Variants in FMN1 observed in about 807,000 individuals in gnomAD.
FMN1 encodes formin-1.
A neutral mutation model predicts 132.4 loss-of-function variants in FMN1; 110 were observed. The observed-to-expected ratio is 0.83, with a 90% confidence interval of 0.71 to 0.97. The LOEUF (loss-of-function observed/expected upper bound fraction) is 0.97. Ranked by LOEUF, FMN1 falls within the 50% of genes least tolerant of loss-of-function variation. FMN1 has a pLI of 0.00. For missense variants in FMN1, 1,792 were observed against 1,705.3 expected, an observed-to-expected ratio of 1.05 and a Z score of -0.90; for synonymous variants, 722 against 651.7, an observed-to-expected ratio of 1.11 and a Z score of -1.64.
At chr15:33,077,403 T>C (rs111909964) in intron 5 of FMN1, among the ~76,000 whole-genome samples, 1,608 of 150,530 alleles carry the variant, frequency 0.011, 30 homozygotes, top group African/African-American at 0.037. Context: ...CTAGGGAACA[T>C]GTGCACAACA....
intron 17 of FMN1, among the ~76,000 whole-genome samples, chr15:32,821,913 T>G (rs906299167): frequency 3.3e-5 from 5 of 152,350 alleles, no homozygotes; most frequent in Middle Eastern, 3.4e-3. Context: ...CATTTTGATA[T>G]CACCTGCAAT....
chr15:33,058,959 C>T (rs996363580), intron 6 of FMN1, among the ~76,000 whole-genome samples: 1 of 152,174 alleles, frequency 6.6e-6, no homozygotes, highest in African/African-American at 2.4e-5. Context: ...TTACTATAAT[C>T]ACACTGCTGT....
chr15:32,806,950 C>T (rs772050480), intron 17 of FMN1, among the ~76,000 whole-genome samples: 2 of 152,186 alleles, frequency 1.3e-5, no homozygotes, highest in African/African-American at 2.4e-5. Flanking sequence ...ACAGACTATT[C>T]CTTTCCTCAT....
chr15:33,006,415 G>A (rs1349700060), intron 7 of FMN1, among the ~76,000 whole-genome samples: 1 of 152,140 alleles, frequency 6.6e-6, no homozygotes, highest in African/African-American at 2.4e-5. Flanking sequence ...TGAGGATATG[G>A]AAAAAGAGAA....
chr15:33,061,744 C>T (rs1187543715), intron 6 of FMN1, among the ~76,000 whole-genome samples: 1 of 151,898 alleles, frequency 6.6e-6, no homozygotes, highest in Non-Finnish European at 1.5e-5. Context: ...CAATAGAAGG[C>T]CCCCAACAGT....
chr15:33,151,473 G>C (rs76371802), intron 4 of FMN1: 30,441 of 1,308,960 alleles, frequency 0.023, 574 homozygotes, highest in South Asian at 0.063. Context: ...GTGGGCTCAC[G>C]GTCAGTCTCC....
intron 4 of FMN1, among the ~76,000 whole-genome samples, chr15:33,108,276 C>T (rs1210733272): frequency 6.6e-6 from 1 of 152,012 alleles, no homozygotes; most frequent in Non-Finnish European, 1.5e-5. Context: ...GACAACTAAA[C>T]ACTGCTTTGG....
intron 2 of FMN1, among the ~76,000 whole-genome samples, chr15:33,193,373 A>G (rs915952816): frequency 1.1e-4 from 17 of 152,192 alleles, no homozygotes; most frequent in Admixed American, 1.0e-3. Context: ...ATAAGATGCT[A>G]CCTGGTGTAG....
intron 5 of FMN1, among the ~76,000 whole-genome samples, chr15:33,072,902 A>C (rs1381433066): frequency 4.0e-5 from 6 of 150,896 alleles, no homozygotes; most frequent in Non-Finnish European, 7.4e-5. Flanking sequence ...CAGCCTGGGC[A>C]ACAGAACAAG....
intron 5 of FMN1, among the ~76,000 whole-genome samples, chr15:33,082,663 C>T (rs909272186): frequency 2.0e-5 from 3 of 152,154 alleles, no homozygotes; most frequent in African/African-American, 7.2e-5. Context: ...ACCTGAGATG[C>T]ATGGCTAATG....
At chr15:32,915,929 T>C (rs2060673988) in intron 10 of FMN1, among the ~76,000 whole-genome samples, 1 of 152,242 alleles carries the variant, frequency 6.6e-6, no homozygotes, top group South Asian at 2.1e-4. Context: ...TAGATTCCTT[T>C]ACCTTTAAAA....
intron 6 of FMN1, among the ~76,000 whole-genome samples, chr15:33,061,239 C>T (rs376194682): frequency 1.3e-5 from 2 of 152,180 alleles, no homozygotes; most frequent in African/African-American, 4.8e-5. Context: ...GTGTCCTTCA[C>T]CCAGTCAAGC....
chr15:32,964,179 G>A lies in FMN1; in HGVS notation c.3066C>T (p.Phe1022=), dbSNP rs528109892. 13 of 1,612,770 alleles carry A rather than the reference G, an allele frequency of 8.1e-6. No individual in the cohort carries two copies. In the East Asian group the frequency reaches 2.9e-4, roughly 36 times the overall value. ...TCTTCTGTTGAGTTGTGTCTTTGGA[G>A]AATAAATACTCAAATTCACTGGGGT... ...IRDPSEFEYL[F]SKDTTQQKKK... Residue 1022 remains phenylalanine, a synonymous_variant, in exon 9 of 21, where the codon TTC becomes TTT. Coordinates refer to ENST00000616417, the MANE Select transcript of FMN1 (RefSeq NM_001277313.2).
chr15:33,096,698 C>A (rs1487453912), intron 4 of FMN1, among the ~76,000 whole-genome samples: 3 of 151,978 alleles, frequency 2.0e-5, no homozygotes, highest in Admixed American at 2.0e-4. Context: ...CTCCCGGGCT[C>A]AGGTGACAAG....
chr15:32,911,336 T>C (rs2060556901), intron 10 of FMN1, among the ~76,000 whole-genome samples: 1 of 142,618 alleles, frequency 7.0e-6, no homozygotes, highest in Admixed American at 6.9e-5. Context: ...TAAGGTTTGT[T>C]CCCTCAACCC....
chr15:33,009,725 T>C (rs947200955), intron 6 of FMN1, among the ~76,000 whole-genome samples: 3 of 152,142 alleles, frequency 2.0e-5, no homozygotes, highest in South Asian at 2.1e-4. Flanking sequence ...TACTAATGCA[T>C]AGAGACATTA....
chr15:32,927,974 A>C (rs964350083), intron 9 of FMN1, among the ~76,000 whole-genome samples: 4 of 152,356 alleles, frequency 2.6e-5, no homozygotes, highest in African/African-American at 9.6e-5. Flanking sequence ...GTAATAGCTG[A>C]GTTGCTTGCT....
chr15:32,976,427 T>C (rs56013731), intron 7 of FMN1, among the ~76,000 whole-genome samples: 2,921 of 152,272 alleles, frequency 0.019, 107 homozygotes, highest in African/African-American at 0.067. Flanking sequence ...TGTTTTCTTT[T>C]TGAAGGCTGT....
In FMN1 at chr15:32,908,374, G is replaced by A. The variant is rs369054893; in HGVS notation, c.3377+116C>T. ...GCATGCAACAGGTCACAGGAATGAC[G>A]GTGTTGTGATTTAGCTGGCTGCACA... On this transcript the variant is annotated intron_variant, in intron 12 of 20. Transcript: ENST00000616417. 13 of 670,360 alleles carry A rather than the reference G, an allele frequency of 1.9e-5. 1 individual carries two copies. Among genetic ancestry groups the A allele is most frequent in the Middle Eastern group, 2.6e-4 (1 of 3,830 alleles). The allele number at this position is 670,360 out of a possible 1,614,324, so 41.5% of individuals were successfully genotyped here. A position where few individuals can be genotyped will look rare whatever the true frequency, so the allele number is the denominator to read the frequency against.
Sources: gnomAD v4.1 joint callset for allele counts (sites outside exome capture counted in the v4.1 genomes callset) on GRCh38, gnomAD v4.1.1 for gene constraint, MANE v1.5 for transcripts, NCBI Gene and HGNC (gene_info 2026-07-23, HGNC 2026-07-21) for gene names.